LOXL3: variants seen among roughly 807,000 people sequenced by gnomAD.
The protein encoded by LOXL3 is lysyl oxidase like 3, also known as lysyl oxidase homolog 3.
Under a neutral mutation model 91.8 loss-of-function variants are expected in LOXL3, and 60 were observed. That is an observed-to-expected ratio of 0.65 (90% CI 0.53 to 0.81). The LOEUF (loss-of-function observed/expected upper bound fraction) is 0.81, where lower values mean the gene tolerates loss of function less well. Among genes scored for constraint, LOXL3 ranks in the 30% least tolerant of loss-of-function variants. The pLI is 0.00. For missense variants in LOXL3, 874 were observed against 1,000.4 expected, an observed-to-expected ratio of 0.87 and a Z score of 1.70; for synonymous variants, 355 against 387.6, an observed-to-expected ratio of 0.92 and a Z score of 0.99.
Position 74,532,384 on chromosome 2 carries a change from AG to A in LOXL3, c.*1221del, listed in dbSNP as rs1486534562. 3 of 557,240 alleles carry A rather than the reference AG, an allele frequency of 5.4e-6. No individual in the cohort carries two copies. Among genetic ancestry groups the A allele is most frequent in the Non-Finnish European group, 9.8e-6 (3 of 304,922 alleles). 34.5% of individuals were successfully genotyped at this position (557,240 alleles called of 1,614,324 possible). A position where few individuals can be genotyped will look rare whatever the true frequency, so the allele number is the denominator to read the frequency against. ...TCTCTTAGTATTCTAGAATGACATT[AG>A]TGCTATTGATTTAACACTGTTTGTC... On this transcript the variant is annotated 3_prime_UTR_variant, in exon 14 of 14. Coordinates refer to ENST00000264094, the MANE Select transcript of LOXL3 (RefSeq NM_032603.5).
chr2:74,537,177 G>A (rs1676080324), intron 4 of LOXL3, among the ~76,000 whole-genome samples: 1 of 152,232 alleles, frequency 6.6e-6, no homozygotes, highest in South Asian at 2.1e-4. Context: ...AACCTTAAGA[G>A]AAGGATGGCT....
chr2:74,546,703 T>C (rs1676609938), intron 4 of LOXL3, among the ~76,000 whole-genome samples: 1 of 152,204 alleles, frequency 6.6e-6, no homozygotes, highest in Non-Finnish European at 1.5e-5. Flanking sequence ...TTTACTTACT[T>C]ACTTAATTTA....
chr2:74,541,794 T>C (rs1382040456), intron 4 of LOXL3, among the ~76,000 whole-genome samples: 1 of 150,942 alleles, frequency 6.6e-6, no homozygotes, highest in South Asian at 2.1e-4. Context: ...CACAAACATA[T>C]GTAATCTTAT....
chr2:74,541,441 T>TTA (rs1265853428), intron 4 of LOXL3, among the ~76,000 whole-genome samples: 1 of 152,234 alleles, frequency 6.6e-6, no homozygotes, highest in Non-Finnish European at 1.5e-5. Context: ...GAGGATGTAC[T>TTA]TAGTTGGTCT....
chr2:74,554,937 C>A, upstream of LOXL3: 2 of 1,513,660 alleles, frequency 1.3e-6, no homozygotes, highest in South Asian at 1.2e-5. This position sits in a 1 kb window ranked among gnomAD's most constrained non-coding sequence, Gnocchi z 4.9. Flanking sequence ...CTGTGACTTT[C>A]CCGTGAAGTT....
chr2:74,554,689 C>G (rs1398995596), upstream of LOXL3: 5 of 1,536,224 alleles, frequency 3.3e-6, no homozygotes, highest in African/African-American at 6.8e-5. The surrounding 1 kb of genome is among the most constrained non-coding windows in gnomAD (Gnocchi z 4.9). Context: ...CCAGGGAACC[C>G]GGCCCCGCCT....
At chr2:74,551,066 G>A (rs1210768122) in intron 2 of LOXL3, among the ~76,000 whole-genome samples, 3 of 152,026 alleles carry the variant, frequency 2.0e-5, no homozygotes, top group Non-Finnish European at 4.4e-5. Flanking sequence ...CCAAGTAGCT[G>A]GGGCTACAAG....
intron 1 of LOXL3, among the ~76,000 whole-genome samples, chr2:74,553,659 A>G (rs1385790803): frequency 2.0e-5 from 3 of 151,924 alleles, no homozygotes; most frequent in Non-Finnish European, 2.9e-5. Context: ...CCCCTCCCTT[A>G]GGGCGCTCCT....
At chr2:74,543,410 A>G (rs1410330098) in intron 4 of LOXL3, among the ~76,000 whole-genome samples, 1 of 152,130 alleles carries the variant, frequency 6.6e-6, no homozygotes, top group Non-Finnish European at 1.5e-5. Context: ...AATGTAATGT[A>G]GGTCCAAAAA....
chr2:74,534,616 A>T lies in LOXL3; in HGVS notation c.1738T>A (p.Phe580Ile), dbSNP rs1223314250. The T allele has an allele frequency of 6.2e-7, 1 of 1,614,058 alleles. No individual in the cohort carries two copies. The highest frequency in any genetic ancestry group is 8.5e-7 in the Non-Finnish European group (1 of 1,180,028). ...WPYGHRRLLR[F>I]SSQIHNLGRA... is the part of the protein sequence containing the mutation. ...CCCAGGTTGTGGATCTGGGAGGAGAATCGGAGCAGACGCCGGTGACCATAG... is the reference window on the plus strand; with the variant it reads ...CCCAGGTTGTGGATCTGGGAGGAGATTCGGAGCAGACGCCGGTGACCATAG... The change falls in exon 10 of 14, where the codon TTC becomes ATC. Residue 580 changes from phenylalanine to isoleucine, a missense_variant. By Grantham distance (21) the Phe-to-Ile change is conservative. Transcript: ENST00000264094.
chr2:74,546,323 G>A (rs905013585), intron 4 of LOXL3, among the ~76,000 whole-genome samples: 7 of 151,956 alleles, frequency 4.6e-5, no homozygotes, highest in African/African-American at 1.5e-4. Context: ...ATGGAAGCCC[G>A]ATGTCACACC....
rs372589604 is a variant in LOXL3 at position 74,534,533 on chromosome 2, A to G, written c.1821T>C (p.His607=). Residue 607 remains histidine, a splice_region_variant and synonymous_variant, in exon 10 of 14, where the codon CAT becomes CAC. Transcript: ENST00000264094. ...GRHSWVWHEC[H]GHYHSMDIFT... ...TACTTGACTCCCTACCCTCTCACCCATGGCACTCGTGCCACACCCAGGAGT... is the reference window on the plus strand; with the variant it reads ...TACTTGACTCCCTACCCTCTCACCCGTGGCACTCGTGCCACACCCAGGAGT... 1.4e-5 allele frequency: 23 copies of G among 1,613,878 alleles called. No homozygotes were observed. The highest frequency in any genetic ancestry group is 4.0e-5 in the African/African-American group (3 of 74,890).
At chr2:74,550,139 C>G (rs779680225) in intron 3 of LOXL3, 46 bp downstream of exon 3, 2 of 1,578,924 alleles carry the variant, frequency 1.3e-6, no homozygotes, top group Non-Finnish European at 1.7e-6. Flanking sequence ...ACAGTACTCT[C>G]GGCTATCCTG....
chr2:74,554,649 G>A (rs958447458), upstream of LOXL3: 8 of 1,144,018 alleles, frequency 7.0e-6, no homozygotes, highest in African/African-American at 1.2e-4. The surrounding 1 kb of genome is among the most constrained non-coding windows in gnomAD (Gnocchi z 4.9). Flanking sequence ...AGCGGCTGCC[G>A]GCGGGGGCCG....
At position 74,534,430 on chromosome 2, in the gene LOXL3, G is replaced by T; in HGVS notation, c.1825C>A (p.His609Asn). 6.2e-7 allele frequency: 1 copy of T among 1,614,146 alleles called. No homozygotes were observed. The highest frequency in any genetic ancestry group is 8.5e-7 in the Non-Finnish European group (1 of 1,179,984). ...HSWVWHECHGHYHSMDIFTHY... is the reference protein window; with the variant it reads ...HSWVWHECHGNYHSMDIFTHY... ...GTGAAGATGTCCATGCTGTGGTAAT[G>T]CCTGTGGGGAGAAGGGAACTTCTGT... Residue 609 changes from histidine to asparagine, a missense_variant and splice_region_variant, in exon 11 of 14, where the codon CAT becomes AAT. Transcript: ENST00000264094.
intron 2 of LOXL3, among the ~76,000 whole-genome samples, chr2:74,551,247 G>C (rs1051113560): frequency 6.6e-6 from 1 of 152,226 alleles, no homozygotes; most frequent in African/African-American, 2.4e-5. Context: ...ACCCTGTGGA[G>C]TATCACTGGC....
At chr2:74,546,692 A>G (rs1007159215) in intron 4 of LOXL3, among the ~76,000 whole-genome samples, 2 of 151,970 alleles carry the variant, frequency 1.3e-5, no homozygotes, top group Admixed American at 1.3e-4. Flanking sequence ...CCACTTATTT[A>G]TTTACTTACT....
intron 9 of LOXL3, among the ~76,000 whole-genome samples, 197 bp from the exon 10 acceptor site, chr2:74,534,971 T>C (rs1411487342): frequency 2.0e-5 from 3 of 152,148 alleles, no homozygotes; most frequent in Non-Finnish European, 4.4e-5. Context: ...CTCTGCCACC[T>C]GGGTTCAAGT....
chr2:74,546,738 C>T (rs754389783), intron 4 of LOXL3, among the ~76,000 whole-genome samples: 5 of 152,194 alleles, frequency 3.3e-5, no homozygotes, highest in Non-Finnish European at 5.9e-5. Context: ...TTATTTGAGA[C>T]GGAGTTTCGC....
Sources: allele counts gnomAD v4.1 joint callset (sites outside exome capture counted in the v4.1 genomes callset), GRCh38; gene constraint gnomAD v4.1.1; non-coding constraint Gnocchi (gnomAD v3.1); transcripts MANE v1.5; gene names NCBI Gene and HGNC (gene_info 2026-07-23, HGNC 2026-07-21).